SORCS2: variants seen among roughly 807,000 people sequenced by gnomAD.
SORCS2 encodes VPS10 domain-containing receptor SorCS2.
SORCS2 carries 100 observed loss-of-function variants against 141.6 expected under a neutral mutation model. The ratio of observed to expected loss-of-function variants is 0.71; its 90% CI spans 0.60 to 0.83. The LOEUF is 0.83. Ranked by LOEUF, SORCS2 falls within the 40% of genes least tolerant of loss-of-function variation. The pLI is 0.00. For synonymous variants in SORCS2, 789 were observed against 676.9 expected (o/e 1.17, Z -2.57); for missense variants, 1,646 against 1,560.2 (o/e 1.05, Z -0.93).
intron 14 of SORCS2, among the ~76,000 whole-genome samples, chr4:7,708,691 GC>G (rs920886216): frequency 1.3e-5 from 2 of 152,166 alleles, no homozygotes; most frequent in African/African-American, 4.8e-5. Flanking sequence ...TTTAGTGAGC[GC>G]CCCACTGCAT....
intron 3 of SORCS2, among the ~76,000 whole-genome samples, chr4:7,598,804 G>A (rs867150914): frequency 2.6e-5 from 4 of 152,210 alleles, no homozygotes; most frequent in Non-Finnish European, 2.9e-5. Flanking sequence ...TAAGGTGATG[G>A]TGTTGGGGGT....
At chr4:7,634,709 G>A (rs570556624) in intron 3 of SORCS2, among the ~76,000 whole-genome samples, 10 of 152,182 alleles carry the variant, frequency 6.6e-5, no homozygotes, top group Non-Finnish European at 1.3e-4. Flanking sequence ...TTCCTTCCAA[G>A]AGGACAGTGT....
rs748365972 is a variant in SORCS2 at position 7,434,436 on chromosome 4, G to A, written c.548+38081G>A. The A allele has an allele frequency of 1.1e-5, 18 of 1,609,524 alleles. No individual in the cohort carries two copies. The Admixed American group carries it at 2.9e-4, about 26-fold the overall frequency. On this transcript the variant is annotated intron_variant, in intron 2 of 26. Transcript: ENST00000507866. ...CCTCTTTGGAGAGTGGCCTCAGGGT[G>A]GCCAGGTGCCTCTGCAGCGGCTCAC...
rs889240477 is a variant in SORCS2 at position 7,359,283 on chromosome 4, G to A, written c.481-37005G>A. On this transcript the variant is annotated intron_variant, in intron 1 of 26. Transcript: ENST00000507866. Reference sequence around the variant, plus strand: ...TGCATTCCAGCCTGGGCAACAGAGCGAGACTCTGTTAAGCAAACAAGCAAA... The same window carrying A: ...TGCATTCCAGCCTGGGCAACAGAGCAAGACTCTGTTAAGCAAACAAGCAAA... Among the ~76,000 whole-genome samples, 29 of 151,292 alleles carry A rather than the reference G, an allele frequency of 1.9e-4. No individual in the cohort carries two copies. In the East Asian group the frequency reaches 3.3e-3, roughly 17 times the overall value.
At chr4:7,415,821 T>C (rs1292741918) in intron 2 of SORCS2, among the ~76,000 whole-genome samples, 2 of 152,164 alleles carry the variant, frequency 1.3e-5, no homozygotes, top group Admixed American at 6.5e-5. Context: ...CTTTGCCAGG[T>C]CTTAGGATTG....
intron 10 of SORCS2, among the ~76,000 whole-genome samples, chr4:7,685,369 G>C (rs1054637125): frequency 6.6e-6 from 1 of 152,158 alleles, no homozygotes; most frequent in Non-Finnish European, 1.5e-5. Flanking sequence ...GGGTACAACA[G>C]ACATCAAATT....
At chr4:7,542,476 G>C (rs1712758113) in intron 3 of SORCS2, among the ~76,000 whole-genome samples, 1 of 152,180 alleles carries the variant, frequency 6.6e-6, no homozygotes, top group Non-Finnish European at 1.5e-5. Context: ...AGAGGAGAGG[G>C]CCAGGATGAC....
At chr4:7,716,547 C>T (rs1277111149) in intron 17 of SORCS2, among the ~76,000 whole-genome samples, 1 of 152,026 alleles carries the variant, frequency 6.6e-6, no homozygotes. Flanking sequence ...ATTCATTCAC[C>T]ATCCATCAAT....
chr4:7,445,227 G>A (rs1169523909), intron 2 of SORCS2, among the ~76,000 whole-genome samples: 1 of 152,216 alleles, frequency 6.6e-6, no homozygotes, highest in South Asian at 2.1e-4. Context: ...CCTTGCAACA[G>A]ATACTTGGGA....
At chr4:7,671,723 C>G (rs575352215) in intron 8 of SORCS2, among the ~76,000 whole-genome samples, 2 of 152,050 alleles carry the variant, frequency 1.3e-5, no homozygotes, top group East Asian at 3.9e-4. Flanking sequence ...TGGACATCAT[C>G]AAGCAGACCA....
chr4:7,676,890 GCCTCTCTCTCTCTCTC>G (rs1369628193), intron 9 of SORCS2, among the ~76,000 whole-genome samples: 3 of 31,514 alleles, frequency 9.5e-5, no homozygotes, highest in East Asian at 1.0e-3. Flanking sequence ...TCTGAAGTTG[GCCTCTCTCTCTCTCTC>G]CCTCTCTCCC....
chr4:7,385,174 A>G (rs1039725519), intron 1 of SORCS2, among the ~76,000 whole-genome samples: 1 of 152,174 alleles, frequency 6.6e-6, no homozygotes, highest in African/African-American at 2.4e-5. Context: ...GTGTTGAGTG[A>G]GGCCGCATCC....
In SORCS2 at chr4:7,740,395, GCAC is replaced by G; in HGVS notation, c.*136_*138del. 1.3e-6 allele frequency: 1 copy of G among 787,562 alleles called. No homozygotes were observed. Among genetic ancestry groups the G allele is most frequent in the Non-Finnish European group, 2.1e-6 (1 of 479,148 alleles). 48.8% of individuals were successfully genotyped at this position (787,562 alleles called of 1,614,324 possible). A position where few individuals can be genotyped will look rare whatever the true frequency, so the allele number is the denominator to read the frequency against. On this transcript the variant is annotated 3_prime_UTR_variant, in exon 27 of 27. Transcript: ENST00000507866. The stretch of plus-strand genomic sequence containing the variant: ...GAGTCGTCGCCACACCAGGCGACAG[GCAC>G]CACCCCCTCTGATAAATCCAAGCCC...
At chr4:7,368,205 G>T (rs373143575) in intron 1 of SORCS2, among the ~76,000 whole-genome samples, 1 of 152,178 alleles carries the variant, frequency 6.6e-6, no homozygotes, top group Non-Finnish European at 1.5e-5. Flanking sequence ...AAGGGGAACC[G>T]CCCTGGTGTG....
intron 5 of SORCS2, among the ~76,000 whole-genome samples, chr4:7,656,105 C>T (rs1288564287): frequency 6.6e-6 from 1 of 152,214 alleles, no homozygotes; most frequent in African/African-American, 2.4e-5. Context: ...GTTTTGACAG[C>T]ATTTCCAAGG....
chr4:7,577,881 C>T (rs1715870146), intron 3 of SORCS2, among the ~76,000 whole-genome samples: 1 of 136,302 alleles, frequency 7.3e-6, no homozygotes, highest in African/African-American at 2.8e-5. Flanking sequence ...TCAGCTAGTG[C>T]CATGGTTTGG....
At chr4:7,368,848 G>A (rs1484656570) in intron 1 of SORCS2, among the ~76,000 whole-genome samples, 1 of 152,086 alleles carries the variant, frequency 6.6e-6, no homozygotes, top group Admixed American at 6.5e-5. Flanking sequence ...GAATTATGGG[G>A]GCAGGTCTTT....
At chr4:7,307,959 GTGTC>G (rs912192213) in intron 1 of SORCS2, among the ~76,000 whole-genome samples, 7 of 152,164 alleles carry the variant, frequency 4.6e-5, no homozygotes, top group African/African-American at 4.8e-5. Flanking sequence ...TACACAGTGT[GTGTC>G]TGAGTGTGTG....
rs1329237844 is a variant in SORCS2, at chr4:7,689,425, A to C, written c.1489-61A>C. 4 of 1,491,860 alleles carry C rather than the reference A, an allele frequency of 2.7e-6. No individual in the cohort carries two copies. The Admixed American group carries it at 7.9e-5, about 30-fold the overall frequency. The allele number at this position is 1,491,860 out of a possible 1,614,324, so 92.4% of individuals were successfully genotyped here. On this transcript the variant is annotated intron_variant, in intron 10 of 26. Transcript: ENST00000507866. ...CAGGGGCAGATTTGTCATCAGGCTT[A>C]GTTTTCCTAAGGATGCTCCTACTCA...
Sources: gnomAD v4.1 joint callset for allele counts (sites outside exome capture counted in the v4.1 genomes callset) on GRCh38, gnomAD v4.1.1 for gene constraint, MANE v1.5 for transcripts, NCBI Gene and HGNC (gene_info 2026-07-23, HGNC 2026-07-21) for gene names.